Variants in DLG1 observed in about 807,000 individuals in gnomAD.
DLG1 encodes discs large MAGUK scaffold protein 1.
A neutral mutation model predicts 123.4 loss-of-function variants in DLG1; 42 were observed. The observed-to-expected ratio is 0.34, with a 90% CI of 0.27 to 0.44. The LOEUF (loss-of-function observed/expected upper bound fraction) is 0.44. DLG1 is among the 20% of genes least tolerant of loss of function. The probability of loss-of-function intolerance (pLI) is 1.00; values close to 1 mark genes in which losing one functional copy is unlikely to be tolerated. For synonymous variants in DLG1, 317 were observed against 356.2 expected (o/e 0.89, Z 1.24); for missense variants, 942 against 1,082.6 (o/e 0.87, Z 1.82).
Position 197,085,738 on chromosome 3 carries a change from G to C in DLG1, c.1680C>G (p.Asp560Glu). The change falls in exon 16 of 25, where the codon GAC becomes GAG. Residue 560 changes from aspartate (D) to glutamate (E), a missense_variant. Asp to Glu is a conservative substitution (Grantham distance 45). Transcript: ENST00000667157. Reference protein sequence around the residue: ...SLYVRALFDYDKTKDSGLPSQ... With the variant: ...SLYVRALFDYEKTKDSGLPSQ... ...TGGGAAGCCCACTGTCTTTAGTCTT[G>C]TCATAATCAAAAAGGGCTCTAGAGT... 6.2e-7 allele frequency: 1 copy of C among 1,612,822 alleles called. No homozygotes were observed. Among genetic ancestry groups the C allele is most frequent in the Non-Finnish European group, 8.5e-7 (1 of 1,179,658 alleles).
chr3:197,238,481 A>C (rs1178208498), intron 4 of DLG1, among the ~76,000 whole-genome samples: 2 of 152,232 alleles, frequency 1.3e-5, no homozygotes, highest in Non-Finnish European at 2.9e-5. Context: ...ACTATATGGA[A>C]ATGACAGAAC....
chr3:197,207,102 A>G (rs1452623860), intron 4 of DLG1, among the ~76,000 whole-genome samples: 2 of 152,188 alleles, frequency 1.3e-5, no homozygotes, highest in South Asian at 2.1e-4. Flanking sequence ...GGAGCTGGGA[A>G]GCAGACGGCC....
chr3:197,200,242 A>G (rs1372194880), intron 4 of DLG1, among the ~76,000 whole-genome samples: 1 of 152,180 alleles, frequency 6.6e-6, no homozygotes, highest in East Asian at 1.9e-4. Context: ...AAGGTTCTTA[A>G]ATCAATACCA....
At chr3:197,179,612 G>T (rs1809030142) in intron 5 of DLG1, among the ~76,000 whole-genome samples, 1 of 152,092 alleles carries the variant, frequency 6.6e-6, no homozygotes, top group Non-Finnish European at 1.5e-5. Flanking sequence ...ATAAAAATAA[G>T]CTAACAGGGG....
intron 4 of DLG1, among the ~76,000 whole-genome samples, chr3:197,229,255 G>A (rs1224602074): frequency 6.6e-6 from 1 of 151,998 alleles, no homozygotes; most frequent in African/African-American, 2.4e-5. Flanking sequence ...CACTTTAGGA[G>A]GTCAAAGTGG....
chr3:197,250,667 G>T (rs1425466129), intron 4 of DLG1, among the ~76,000 whole-genome samples: 1 of 151,720 alleles, frequency 6.6e-6, no homozygotes, highest in South Asian at 2.1e-4. Context: ...GGAATCAATT[G>T]AACCAAAGAA....
At chr3:197,109,902 T>C (rs900531545) in intron 13 of DLG1, among the ~76,000 whole-genome samples, 9 of 152,220 alleles carry the variant, frequency 5.9e-5, no homozygotes, top group Non-Finnish European at 1.5e-5. Flanking sequence ...TGGTGAGTCA[T>C]TTCTTTTTGC....
At chr3:197,051,969 G>C (rs772715806) in intron 23 of DLG1, among the ~76,000 whole-genome samples, 18 of 149,922 alleles carry the variant, frequency 1.2e-4, no homozygotes, top group Admixed American at 3.4e-4. Flanking sequence ...CATCTCTCAA[G>C]TAGCTGGATT....
At chr3:197,065,132 A>G in intron 22 of DLG1, 144 bp downstream of exon 22, 1 of 680,588 alleles carries the variant, frequency 1.5e-6, no homozygotes, top group Non-Finnish European at 2.2e-6. Context: ...GCACTTTCCT[A>G]AGCCATGGAA....
At chr3:197,081,650 T>C (rs1751211656) in intron 16 of DLG1, among the ~76,000 whole-genome samples, 1 of 151,746 alleles carries the variant, frequency 6.6e-6, no homozygotes, top group Non-Finnish European at 1.5e-5. Flanking sequence ...ATGATATATG[T>C]GTGTGTGTGT....
At chr3:197,066,488 T>C (rs184112011) in intron 20 of DLG1, among the ~76,000 whole-genome samples, 23 of 152,092 alleles carry the variant, frequency 1.5e-4, no homozygotes, top group African/African-American at 5.3e-4. Context: ...GCTTGGGAAA[T>C]AAAACACAAA....
At chr3:197,064,032 C>T (rs1426728730) in intron 22 of DLG1, among the ~76,000 whole-genome samples, 2 of 150,772 alleles carry the variant, frequency 1.3e-5, no homozygotes, top group African/African-American at 4.9e-5. Flanking sequence ...AAGCGATTCT[C>T]CTGCCTCAGC....
rs34778202 is a variant in DLG1, at chr3:197,273,188, A to ATGTGTGTGTGTGTG, written c.318+9477_318+9490dup. On this transcript the variant is annotated intron_variant, in intron 4 of 24. Transcript: ENST00000667157. ...AGATTAAACCTGGTACACTGAATAT[A>ATGTGTGTGTGTGTG]TGTGTGTGTGTGTGTGTGTGTGTAT... 8.4e-4 allele frequency among the ~76,000 whole-genome samples: 124 copies of ATGTGTGTGTGTGTG among 147,926 alleles called. 1 individual carries two copies. In the Middle Eastern group the frequency reaches 0.021, roughly 25 times the overall value.
At chr3:197,151,178 C>T (rs960009371) in intron 5 of DLG1, among the ~76,000 whole-genome samples, 8 of 152,074 alleles carry the variant, frequency 5.3e-5, no homozygotes, top group Non-Finnish European at 1.2e-4. Context: ...AATAATACAA[C>T]TTCACTTTAT....
At chr3:197,298,671 GGGGAGGGCGGGGCCT>G (rs1778617950), upstream of DLG1, 1 of 396,482 alleles carries the variant, frequency 2.5e-6, no homozygotes. Flanking sequence ...CCCAGGGGGC[GGGGAGGGCGGGGCCT>G]GGGAGAGGGA....
intron 5 of DLG1, among the ~76,000 whole-genome samples, chr3:197,155,695 G>A (rs908677848): frequency 7.9e-5 from 12 of 151,752 alleles, no homozygotes; most frequent in East Asian, 1.9e-4. Context: ...TCAGGTGGCC[G>A]AGGCAGGCAG....
chr3:197,083,529 C>T (rs1409916350), intron 16 of DLG1, among the ~76,000 whole-genome samples: 2 of 152,138 alleles, frequency 1.3e-5, no homozygotes, highest in Non-Finnish European at 2.9e-5. Context: ...ACACCTTCCC[C>T]ACAAAAGCAG....
At chr3:197,268,564 C>T (rs937012282) in intron 4 of DLG1, among the ~76,000 whole-genome samples, 6 of 151,950 alleles carry the variant, frequency 3.9e-5, no homozygotes, top group Admixed American at 2.0e-4. Context: ...GGACTACAGG[C>T]ATGAAGGCAC....
At position 197,212,534 on chromosome 3, in the gene DLG1, C is replaced by T. The variant is rs141371059; in HGVS notation, c.319-17945G>A. ...CCGTGCCTCTCTTCCTGACTTCCAG[C>T]GGCTTGCTGGCAGTCTTCCGCACTC... On this transcript the variant is annotated intron_variant, in intron 4 of 24. Coordinates refer to ENST00000667157, the MANE Select transcript of DLG1 (RefSeq NM_001366207.1). 7.5e-3 allele frequency among the ~76,000 whole-genome samples: 1,148 copies of T among 152,326 alleles called. 11 individuals are homozygous for T. Among genetic ancestry groups the T allele is most frequent in the African/African-American group, 0.025 (1,023 of 41,570 alleles).
Sources: gnomAD v4.1 joint callset for allele counts (sites outside exome capture counted in the v4.1 genomes callset) on GRCh38, gnomAD v4.1.1 for gene constraint, MANE v1.5 for transcripts, NCBI Gene and HGNC (gene_info 2026-07-23, HGNC 2026-07-21) for gene names.